The following IQCM variants were observed in gnomAD, a reference collection of about 807,000 sequenced individuals.
IQCM encodes IQ domain-containing protein M.
In IQCM, 45 loss-of-function variants were observed where a neutral mutation model predicts 57.6. The observed-to-expected ratio is 0.78, with a 90% CI of 0.62 to 1.00. The LOEUF is 1.00. Ranked by LOEUF, IQCM falls within the 50% of genes least tolerant of loss-of-function variation. The pLI, the probability that IQCM is intolerant of heterozygous loss-of-function variation, is 0.00. For synonymous variants in IQCM, 148 were observed against 158.9 expected, an observed-to-expected ratio of 0.93 and a Z score of 0.51; for missense variants, 468 against 511.6, an observed-to-expected ratio of 0.91 and a Z score of 0.82.
chr4:149,725,158 T>C (rs754058107), intron 5 of IQCM, among the ~76,000 whole-genome samples: 3 of 152,196 alleles, frequency 2.0e-5, no homozygotes, highest in Non-Finnish European at 4.4e-5. Context: ...TTGATATCCT[T>C]GGATCAAATT....
At chr4:149,429,020 T>C (rs1383756546) in intron 13 of IQCM, among the ~76,000 whole-genome samples, 2 of 151,980 alleles carry the variant, frequency 1.3e-5, no homozygotes, top group East Asian at 1.9e-4. Context: ...AATTTGATCA[T>C]TCATTTGTAT....
intron 9 of IQCM, among the ~76,000 whole-genome samples, chr4:149,570,653 T>C (rs1477154476): frequency 6.6e-6 from 1 of 152,116 alleles, no homozygotes; most frequent in African/African-American, 2.4e-5. Flanking sequence ...CACCAGGGGA[T>C]TTATCAGTCT....
rs1732612656 is a variant in IQCM at position 149,401,432 on chromosome 4, C to T, written c.1390+31964G>A. On this transcript the variant is annotated intron_variant, in intron 13 of 13. Transcript: ENST00000636793. Reference sequence around the variant, plus strand: ...AGAGAGAGGCAATCATTTTTTCACACAATTTCAGGAGATTCAGAATTTCCC... The same window carrying T: ...AGAGAGAGGCAATCATTTTTTCACATAATTTCAGGAGATTCAGAATTTCCC... Among the ~76,000 whole-genome samples the T allele has an allele frequency of 2.0e-5, 3 of 151,736 alleles. No homozygotes were observed. In the South Asian group the frequency reaches 6.2e-4, roughly 31 times the overall value.
At chr4:149,651,204 G>A (rs1443347452) in intron 7 of IQCM, among the ~76,000 whole-genome samples, 1 of 152,088 alleles carries the variant, frequency 6.6e-6, no homozygotes, top group Non-Finnish European at 1.5e-5. Context: ...ACATCCTGAG[G>A]AGCAAATCCA....
intron 5 of IQCM, 41 bp downstream of exon 5, chr4:149,733,203 C>T (rs1766623245): frequency 8.2e-7 from 1 of 1,226,792 alleles, no homozygotes; most frequent in Admixed American, 4.2e-5. Flanking sequence ...ATAGTTTTGT[C>T]CGTGAGTTTG....
At chr4:149,588,200 G>A (rs923059501) in intron 8 of IQCM, among the ~76,000 whole-genome samples, 8 of 151,548 alleles carry the variant, frequency 5.3e-5, no homozygotes, top group African/African-American at 1.7e-4. Context: ...TTAGCACCTA[G>A]GAATACAGTT....
At chr4:149,458,632 A>G (rs1737947024) in intron 12 of IQCM, among the ~76,000 whole-genome samples, 1 of 151,952 alleles carries the variant, frequency 6.6e-6, no homozygotes, top group Non-Finnish European at 1.5e-5. Flanking sequence ...TTTCTTAGGG[A>G]AAAGATTAAA....
intron 13 of IQCM, among the ~76,000 whole-genome samples, chr4:149,419,085 A>G (rs191917425): frequency 6.6e-6 from 1 of 152,292 alleles, no homozygotes; most frequent in Non-Finnish European, 1.5e-5. Context: ...TTAGAGGTTC[A>G]ATGCTACACC....
chr4:149,778,134 T>C (rs2150002811), intron 2 of IQCM, among the ~76,000 whole-genome samples: 1 of 152,304 alleles, frequency 6.6e-6, no homozygotes, highest in East Asian at 1.9e-4. Flanking sequence ...CCCAGCACTT[T>C]GGGAGGCCAA....
intron 13 of IQCM, among the ~76,000 whole-genome samples, chr4:149,388,841 G>C (rs1008370751): frequency 1.3e-5 from 2 of 148,518 alleles, no homozygotes; most frequent in Non-Finnish European, 3.0e-5. Context: ...TTTAAATTAG[G>C]TTGCCTTTTA....
intron 12 of IQCM, among the ~76,000 whole-genome samples, chr4:149,509,294 T>C (rs980482289): frequency 2.6e-5 from 4 of 152,142 alleles, no homozygotes; most frequent in African/African-American, 9.7e-5. Context: ...TTCTTTTTTT[T>C]TGAGACAGGG....
intron 12 of IQCM, among the ~76,000 whole-genome samples, chr4:149,503,631 A>AT (rs576129287): frequency 6.6e-6 from 1 of 152,136 alleles, no homozygotes; most frequent in East Asian, 1.9e-4. Context: ...TTTTCTATAA[A>AT]TTTTTTTTGA....
chr4:149,656,085 C>T (rs1759610701), intron 7 of IQCM, among the ~76,000 whole-genome samples: 1 of 152,008 alleles, frequency 6.6e-6, no homozygotes, highest in Admixed American at 6.6e-5. Context: ...TTAATTCCCT[C>T]ATCTGAAAAA....
intron 12 of IQCM, among the ~76,000 whole-genome samples, chr4:149,438,921 A>C (rs1021339376): frequency 1.3e-5 from 2 of 152,000 alleles, no homozygotes; most frequent in South Asian, 4.1e-4. Context: ...AACATTACTT[A>C]ACTTAAACAA....
chr4:149,806,088 C>G (rs1774053633), intron 2 of IQCM, among the ~76,000 whole-genome samples: 1 of 151,476 alleles, frequency 6.6e-6, no homozygotes, highest in Non-Finnish European at 1.5e-5. Flanking sequence ...GAAATAGAAA[C>G]TTTGATTGTC....
chr4:149,416,903 C>G (rs1733787164), intron 13 of IQCM, among the ~76,000 whole-genome samples: 1 of 152,066 alleles, frequency 6.6e-6, no homozygotes, highest in South Asian at 2.1e-4. Context: ...CTGGAAAATG[C>G]TGAGAGCTGA....
intron 12 of IQCM, among the ~76,000 whole-genome samples, chr4:149,449,157 C>T (rs1053947623): frequency 2.7e-5 from 4 of 149,580 alleles, no homozygotes; most frequent in Non-Finnish European, 4.5e-5. Context: ...CAATAGAAGG[C>T]TCCACCAACT....
chr4:149,510,315 A>C (rs568681844), intron 12 of IQCM, among the ~76,000 whole-genome samples: 52 of 152,194 alleles, frequency 3.4e-4, no homozygotes, highest in South Asian at 8.3e-4. Context: ...TTTTCTAGTC[A>C]GTTATTTGTG....
chr4:149,378,205 C>T (rs1730826301), intron 13 of IQCM, among the ~76,000 whole-genome samples: 1 of 152,064 alleles, frequency 6.6e-6, no homozygotes, highest in Non-Finnish European at 1.5e-5. Context: ...TCTTCATCAG[C>T]AGCGTGAAAA....
Sources: allele counts gnomAD v4.1 joint callset (sites outside exome capture counted in the v4.1 genomes callset), GRCh38; gene constraint gnomAD v4.1.1; transcripts MANE v1.5; gene names NCBI Gene and HGNC (gene_info 2026-07-23, HGNC 2026-07-21).